The following CPEB3 variants were observed in gnomAD, a reference collection of about 807,000 sequenced individuals.
The protein encoded by CPEB3 is cytoplasmic polyadenylation element binding protein 3.
Under a neutral mutation model 67.2 loss-of-function variants are expected in CPEB3, and 20 were observed. The ratio of observed to expected loss-of-function variants is 0.30; its 90% CI spans 0.21 to 0.43. CPEB3 has a LOEUF of 0.43. Among genes scored for constraint, CPEB3 ranks in the 20% least tolerant of loss-of-function variants. The pLI is 1.00. For synonymous variants in CPEB3, 376 were observed against 393.1 expected (o/e 0.96, Z 0.51); for missense variants, 746 against 968.6 (o/e 0.77, Z 3.05).
chr10:92,105,658 GA>G (rs1844406917), intron 7 of CPEB3, among the ~76,000 whole-genome samples: 1 of 151,068 alleles, frequency 6.6e-6, no homozygotes. Flanking sequence ...AAATATTTGG[GA>G]ACCTTTTATG....
chr10:92,246,127 A>C (rs1009051134), intron 1 of CPEB3, among the ~76,000 whole-genome samples: 9 of 152,202 alleles, frequency 5.9e-5, no homozygotes, highest in Admixed American at 5.2e-4. Flanking sequence ...CGAGGTCAGC[A>C]GATCAAGACC....
rs183625462 is a variant in CPEB3, at chr10:92,212,819, C to T, written c.1006-20183G>A. Among the ~76,000 whole-genome samples, 6 of 152,166 alleles carry T rather than the reference C, an allele frequency of 3.9e-5. No homozygotes were observed. In the East Asian group the frequency reaches 1.2e-3, roughly 29 times the overall value. On this transcript the variant is annotated intron_variant, in intron 2 of 9. Transcript: ENST00000265997. Reference sequence around the variant, plus strand: ...GCATGGTGGCTCACACCTATAATCCCAGCACTTTGGGAGGCCAAGGTGAGA... The same window carrying T: ...GCATGGTGGCTCACACCTATAATCCTAGCACTTTGGGAGGCCAAGGTGAGA...
chr10:92,171,998 T>A (rs1848025484), intron 4 of CPEB3, among the ~76,000 whole-genome samples: 2 of 152,124 alleles, frequency 1.3e-5, no homozygotes, highest in Admixed American at 1.3e-4. Flanking sequence ...AGTGTCCATT[T>A]AAAATAAAAG....
intron 1 of CPEB3, among the ~76,000 whole-genome samples, chr10:92,286,550 A>C (rs1842532974): frequency 6.7e-6 from 1 of 149,906 alleles, no homozygotes; most frequent in Non-Finnish European, 1.5e-5. Flanking sequence ...GCACCACTGC[A>C]CTCCAGCCTG....
chr10:92,288,031 C>A (rs1164574418), intron 1 of CPEB3, among the ~76,000 whole-genome samples: 1 of 152,174 alleles, frequency 6.6e-6, no homozygotes, highest in Non-Finnish European at 1.5e-5. Flanking sequence ...TTTCAAGGTT[C>A]TTTCATGTTA....
At chr10:92,200,545 C>CAAAA (rs57165866) in intron 2 of CPEB3, among the ~76,000 whole-genome samples, 7 of 54,538 alleles carry the variant, frequency 1.3e-4, no homozygotes, top group East Asian at 6.9e-4. Flanking sequence ...AACTCCGTCT[C>CAAAA]AAAAAAAAAA....
intron 1 of CPEB3, among the ~76,000 whole-genome samples, chr10:92,287,669 A>C (rs538415824): frequency 6.6e-6 from 1 of 152,298 alleles, no homozygotes; most frequent in East Asian, 1.9e-4. Context: ...AGCTTTATTG[A>C]GATGTAATTT....
intron 3 of CPEB3, among the ~76,000 whole-genome samples, chr10:92,189,741 G>C (rs1322219453): frequency 3.5e-5 from 4 of 115,206 alleles, no homozygotes; most frequent in Non-Finnish European, 6.5e-5. Flanking sequence ...AGAGTCTCTC[G>C]CTCTGTCGCC....
chr10:92,177,318 G>T (rs1848265593), intron 4 of CPEB3, among the ~76,000 whole-genome samples: 1 of 152,206 alleles, frequency 6.6e-6, no homozygotes, highest in Non-Finnish European at 1.5e-5. Context: ...GGGGTATATT[G>T]CCTCAGAACT....
intron 9 of CPEB3, among the ~76,000 whole-genome samples, chr10:92,076,774 A>C (rs901701529): frequency 7.0e-6 from 1 of 142,304 alleles, no homozygotes; most frequent in Non-Finnish European, 1.6e-5. Flanking sequence ...AAGGAAGAAG[A>C]AGGAGGAAGG....
At chr10:92,167,541 C>A (rs1486935773) in intron 4 of CPEB3, among the ~76,000 whole-genome samples, 1 of 152,162 alleles carries the variant, frequency 6.6e-6, no homozygotes, top group Non-Finnish European at 1.5e-5. Context: ...GTGGAGCAGA[C>A]AGAACACAAC....
chr10:92,095,332 A>T (rs1400141703), intron 7 of CPEB3, among the ~76,000 whole-genome samples: 1 of 152,178 alleles, frequency 6.6e-6, no homozygotes, highest in Admixed American at 6.5e-5. Context: ...CAGAGCTGTC[A>T]CCTCTGCAGA....
chr10:92,216,519 G>A (rs545440783), intron 2 of CPEB3: 1 of 1,612,916 alleles, frequency 6.2e-7, no homozygotes, highest in African/African-American at 1.3e-5. Context: ...ATTCGGCGCG[G>A]GGTGAAAGAG....
At chr10:92,257,291 C>G (rs1215671683) in intron 1 of CPEB3, among the ~76,000 whole-genome samples, 3 of 152,150 alleles carry the variant, frequency 2.0e-5, no homozygotes, top group Non-Finnish European at 4.4e-5. Flanking sequence ...TACATATTAA[C>G]AAATTATTTA....
chr10:92,165,896 A>G (rs906613595), intron 4 of CPEB3, among the ~76,000 whole-genome samples: 35 of 152,184 alleles, frequency 2.3e-4, no homozygotes, highest in African/African-American at 8.4e-4. Flanking sequence ...TTCTCTACTG[A>G]CGTTTTGAAC....
chr10:92,289,274 G>A (rs141388751), intron 1 of CPEB3, among the ~76,000 whole-genome samples: 7,349 of 150,942 alleles, frequency 0.049, 275 homozygotes, highest in Non-Finnish European at 0.075. Context: ...GCGGTGGCTC[G>A]CCCCTGTAAT....
intron 2 of CPEB3, among the ~76,000 whole-genome samples, chr10:92,228,514 C>T (rs1234011655): frequency 6.6e-6 from 1 of 152,154 alleles, no homozygotes. Context: ...GTAGGGGGTT[C>T]GATTGTCAGA....
intron 2 of CPEB3, among the ~76,000 whole-genome samples, chr10:92,220,212 G>A (rs759689770): frequency 2.6e-5 from 4 of 151,736 alleles, no homozygotes; most frequent in African/African-American, 4.8e-5. Flanking sequence ...TTTGTAATGC[G>A]TATGAAAGTA....
chr10:92,268,079 G>A (rs1853140795), intron 1 of CPEB3, among the ~76,000 whole-genome samples: 1 of 152,104 alleles, frequency 6.6e-6, no homozygotes, highest in Non-Finnish European at 1.5e-5. Flanking sequence ...GCCTCCCAAA[G>A]TGCTGGGATT....
Sources: gnomAD v4.1 joint callset for allele counts (sites outside exome capture counted in the v4.1 genomes callset) on GRCh38, gnomAD v4.1.1 for gene constraint, MANE v1.5 for transcripts, NCBI Gene and HGNC (gene_info 2026-07-23, HGNC 2026-07-21) for gene names.